Variants in EPHA6 observed in about 807,000 individuals in gnomAD.
The protein encoded by EPHA6 is ephrin type-A receptor 6.
In EPHA6, 50 loss-of-function variants were observed where a neutral mutation model predicts 112.0. The observed-to-expected ratio is 0.45, with a 90% CI of 0.36 to 0.56. EPHA6 has a LOEUF of 0.56. Among genes scored for constraint, EPHA6 ranks in the 20% least tolerant of loss-of-function variants. The pLI, the probability that EPHA6 is intolerant of heterozygous loss-of-function variation, is 0.00. For missense variants in EPHA6, 1,280 were observed against 1,417.4 expected (o/e 0.90, Z 1.56); for synonymous variants, 529 against 490.7 (o/e 1.08, Z -1.03).
intron 11 of EPHA6, among the ~76,000 whole-genome samples, chr3:97,585,615 A>T (rs1312826810): frequency 6.6e-6 from 1 of 151,688 alleles, no homozygotes; most frequent in African/African-American, 2.4e-5. Context: ...GATTTTTTTA[A>T]GTTAAAAATA....
intron 11 of EPHA6, among the ~76,000 whole-genome samples, chr3:97,573,474 C>G (rs2093354010): frequency 6.6e-6 from 1 of 152,064 alleles, no homozygotes; most frequent in Non-Finnish European, 1.5e-5. Flanking sequence ...CAGTTTACAT[C>G]TGGTATACAA....
chr3:96,977,686 C>A (rs1269309857), intron 2 of EPHA6, among the ~76,000 whole-genome samples: 1 of 150,496 alleles, frequency 6.6e-6, no homozygotes, highest in Admixed American at 6.6e-5. Context: ...GGAGATTGAC[C>A]TCTGTGTTAT....
chr3:97,489,945 CA>C (rs2107518596), intron 10 of EPHA6, among the ~76,000 whole-genome samples: 1 of 152,216 alleles, frequency 6.6e-6, no homozygotes, highest in East Asian at 1.9e-4. Context: ...TTGTTAATTT[CA>C]TGAGTGTTTA....
chr3:97,213,963 T>G (rs2077953244), intron 3 of EPHA6, among the ~76,000 whole-genome samples: 1 of 151,496 alleles, frequency 6.6e-6, no homozygotes, highest in South Asian at 2.1e-4. Context: ...CAGTACTCCT[T>G]TACATACATT....
chr3:97,507,834 C>A (rs190345680), intron 10 of EPHA6, among the ~76,000 whole-genome samples: 46 of 152,136 alleles, frequency 3.0e-4, no homozygotes, highest in African/African-American at 1.1e-3. Context: ...GCCTGAATTT[C>A]AGAACTTGTT....
At chr3:97,276,403 G>A (rs2080082150) in intron 5 of EPHA6, among the ~76,000 whole-genome samples, 1 of 152,070 alleles carries the variant, frequency 6.6e-6, no homozygotes, top group African/African-American at 2.4e-5. Context: ...CCGGGGCTGT[G>A]GGCATTCCTT....
At position 97,666,817 on chromosome 3, in the gene EPHA6, G is replaced by A. The variant is rs547888480; in HGVS notation, c.2784+28735G>A. Reference sequence around the variant, plus strand: ...TGTCTGAGATCAGAACCAATGAGAGGTTGTCTTTCCTTGATCTAAACACAG... The same window carrying A: ...TGTCTGAGATCAGAACCAATGAGAGATTGTCTTTCCTTGATCTAAACACAG... On this transcript the variant is annotated intron_variant, in intron 14 of 17. Transcript: ENST00000389672. Among the ~76,000 whole-genome samples the A allele has an allele frequency of 5.1e-4, 78 of 152,260 alleles. 2 individuals are homozygous for A. The highest frequency in any genetic ancestry group is 4.4e-3 in the South Asian group (21 of 4,824).
At chr3:97,635,561 T>G (rs1225361289) in intron 13 of EPHA6, among the ~76,000 whole-genome samples, 2 of 152,084 alleles carry the variant, frequency 1.3e-5, no homozygotes, top group African/African-American at 4.8e-5. Flanking sequence ...GACCACATAT[T>G]GTATGATTCC....
chr3:96,958,935 T>G, intron 2 of EPHA6, among the ~76,000 whole-genome samples: 1 of 152,238 alleles, frequency 6.6e-6, no homozygotes, highest in South Asian at 2.1e-4. Context: ...TGAGTTGTTT[T>G]CACTTTTTTC....
At chr3:97,365,377 A>G (rs1559925256) in intron 5 of EPHA6, among the ~76,000 whole-genome samples, 2 of 152,012 alleles carry the variant, frequency 1.3e-5, no homozygotes, top group Non-Finnish European at 2.9e-5. Context: ...AAATATTATG[A>G]CAGGAAAAAT....
At chr3:97,106,479 AGCAGCCT>A (rs921458025) in intron 3 of EPHA6, among the ~76,000 whole-genome samples, 62 of 152,238 alleles carry the variant, frequency 4.1e-4, no homozygotes, top group African/African-American at 1.5e-3. Flanking sequence ...CAGGCCGCTG[AGCAGCCT>A]GACTCCAGGG....
intron 3 of EPHA6, among the ~76,000 whole-genome samples, chr3:97,021,789 A>C (rs190129898): frequency 6.6e-6 from 1 of 152,244 alleles, no homozygotes; most frequent in Admixed American, 6.5e-5. Context: ...CTCATATCAC[A>C]TTGGGGGTTA....
intron 14 of EPHA6, among the ~76,000 whole-genome samples, chr3:97,663,340 CT>C (rs914707045): frequency 2.9e-4 from 44 of 149,860 alleles, no homozygotes; most frequent in Admixed American, 1.9e-3. Flanking sequence ...TTTATATATA[CT>C]TTTTTTATTA....
At chr3:97,203,603 G>C (rs956077466) in intron 3 of EPHA6, among the ~76,000 whole-genome samples, 3 of 152,076 alleles carry the variant, frequency 2.0e-5, no homozygotes, top group Non-Finnish European at 4.4e-5. Flanking sequence ...AAATATTTAA[G>C]GGACAGAAGT....
chr3:97,069,141 G>A (rs896106026), intron 3 of EPHA6, among the ~76,000 whole-genome samples: 3 of 151,992 alleles, frequency 2.0e-5, no homozygotes, highest in African/African-American at 4.8e-5. Flanking sequence ...TAGCCTACTC[G>A]ACCAAATGCC....
intron 5 of EPHA6, among the ~76,000 whole-genome samples, chr3:97,361,216 T>C (rs2084353154): frequency 2.0e-5 from 3 of 152,334 alleles, no homozygotes; most frequent in Admixed American, 6.5e-5. Flanking sequence ...TTGCTGTAAC[T>C]ATCAGTAAGA....
chr3:97,316,904 TG>T (rs935623181), intron 5 of EPHA6, among the ~76,000 whole-genome samples: 1 of 151,930 alleles, frequency 6.6e-6, no homozygotes, highest in African/African-American at 2.4e-5. Flanking sequence ...ATTAGCTGTA[TG>T]ATCTTGGAAA....
chr3:97,197,831 A>G (rs1188988641), intron 3 of EPHA6, among the ~76,000 whole-genome samples: 1 of 152,050 alleles, frequency 6.6e-6, no homozygotes. Context: ...TGGTGGGGCT[A>G]CCAGGAACTC....
At chr3:97,461,865 C>T (rs2090899580) in intron 7 of EPHA6, among the ~76,000 whole-genome samples, 1 of 152,078 alleles carries the variant, frequency 6.6e-6, no homozygotes, top group Non-Finnish European at 1.5e-5. Context: ...TCTGAGATAC[C>T]AAATCTTAGT....
Sources: gnomAD v4.1 joint callset for allele counts (sites outside exome capture counted in the v4.1 genomes callset) on GRCh38, gnomAD v4.1.1 for gene constraint, MANE v1.5 for transcripts, NCBI Gene and HGNC (gene_info 2026-07-23, HGNC 2026-07-21) for gene names.